Variants in CCSER1 observed in about 807,000 individuals in gnomAD.
CCSER1 encodes the protein coiled-coil serine rich protein 1.
Under a neutral mutation model 82.0 loss-of-function variants are expected in CCSER1, and 41 were observed. The observed-to-expected ratio is 0.50, with a 90% CI of 0.39 to 0.65. The LOEUF (loss-of-function observed/expected upper bound fraction) is 0.65, where lower values mean the gene tolerates loss of function less well. CCSER1 is among the 30% of genes least tolerant of loss of function. The pLI is 0.00. For synonymous variants in CCSER1, 414 were observed against 383.9 expected (o/e 1.08, Z -0.92); for missense variants, 1,119 against 1,064.2 (o/e 1.05, Z -0.72).
At chr4:90,765,279 T>A (rs192995832) in intron 7 of CCSER1, among the ~76,000 whole-genome samples, 1 of 152,278 alleles carries the variant, frequency 6.6e-6, no homozygotes, top group African/African-American at 2.4e-5. Flanking sequence ...TTTGATCTCC[T>A]TAAAGGATTC....
At chr4:90,599,856 C>G (rs533949265) in intron 5 of CCSER1, among the ~76,000 whole-genome samples, 1 of 152,176 alleles carries the variant, frequency 6.6e-6, no homozygotes, top group African/African-American at 2.4e-5. Flanking sequence ...TTCTTGTGCC[C>G]TTTGTAAATC....
At chr4:91,013,910 C>A (rs1319217799) in intron 9 of CCSER1, among the ~76,000 whole-genome samples, 2 of 131,238 alleles carry the variant, frequency 1.5e-5, no homozygotes, top group Non-Finnish European at 3.5e-5. Flanking sequence ...TGTGAGCCAC[C>A]GCTCCGGGCA....
At chr4:90,770,263 C>T (rs1394907479) in intron 7 of CCSER1, among the ~76,000 whole-genome samples, 1 of 152,174 alleles carries the variant, frequency 6.6e-6, no homozygotes, top group Non-Finnish European at 1.5e-5. Flanking sequence ...AAATTCCTGA[C>T]TCACAGAAAC....
intron 6 of CCSER1, among the ~76,000 whole-genome samples, chr4:90,640,545 G>A (rs1160237332): frequency 6.6e-6 from 1 of 151,976 alleles, no homozygotes; most frequent in Non-Finnish European, 1.5e-5. Flanking sequence ...GTGATCACAG[G>A]ATACAGTTAT....
intron 7 of CCSER1, among the ~76,000 whole-genome samples, chr4:90,813,760 A>T (rs1758642419): frequency 6.6e-6 from 1 of 152,136 alleles, no homozygotes; most frequent in Non-Finnish European, 1.5e-5. Context: ...CCATTCTCAG[A>T]TACGTCTTTA....
intron 10 of CCSER1, among the ~76,000 whole-genome samples, chr4:91,253,057 A>G (rs1445804832): frequency 6.6e-6 from 1 of 151,918 alleles, no homozygotes; most frequent in Non-Finnish European, 1.5e-5. Context: ...TGACCCTTGA[A>G]CAGCATGGGC....
At chr4:90,716,557 T>C (rs945535322) in intron 6 of CCSER1, among the ~76,000 whole-genome samples, 1 of 152,114 alleles carries the variant, frequency 6.6e-6, no homozygotes, top group Non-Finnish European at 1.5e-5. Context: ...CATACAGTTA[T>C]GTGCTGTATA....
intron 7 of CCSER1, among the ~76,000 whole-genome samples, chr4:90,785,138 G>A (rs1289036152): frequency 1.3e-5 from 2 of 152,092 alleles, no homozygotes; most frequent in African/African-American, 4.8e-5. Context: ...CAGGGCTCAA[G>A]GGATCCTCCC....
chr4:91,097,601 CT>C (rs1724635015), intron 10 of CCSER1, among the ~76,000 whole-genome samples: 1 of 152,118 alleles, frequency 6.6e-6, no homozygotes, highest in Non-Finnish European at 1.5e-5. Context: ...AGAATTAACA[CT>C]TTAGATAATT....
At chr4:90,847,568 T>C (rs1176134392) in intron 8 of CCSER1, among the ~76,000 whole-genome samples, 2 of 152,210 alleles carry the variant, frequency 1.3e-5, no homozygotes, top group Non-Finnish European at 2.9e-5. Context: ...ATCATCTATC[T>C]AATAACAGAT....
At position 91,039,684 on chromosome 4, in the gene CCSER1, G is replaced by A. The variant is rs940806289; in HGVS notation, c.2173-46266G>A. On this transcript the variant is annotated intron_variant, in intron 9 of 10. Transcript: ENST00000509176. ...ATATATTTATAATGAGTATATGTATGTATAGATCTAAAATGTGTATATATA... is the reference window on the plus strand; with the variant it reads ...ATATATTTATAATGAGTATATGTATATATAGATCTAAAATGTGTATATATA... Among the ~76,000 whole-genome samples the A allele has an allele frequency of 3.4e-5, 5 of 146,284 alleles. No homozygotes were observed. In the Admixed American group the frequency reaches 3.5e-4, roughly 10 times the overall value.
chr4:90,982,539 T>C (rs1241588061), intron 9 of CCSER1, among the ~76,000 whole-genome samples: 1 of 151,764 alleles, frequency 6.6e-6, no homozygotes, highest in African/African-American at 2.4e-5. Flanking sequence ...AAAGATATTA[T>C]ATAGAATGCT....
intron 1 of CCSER1, among the ~76,000 whole-genome samples, chr4:90,225,209 T>A (rs139516373): frequency 1.1e-4 from 16 of 149,626 alleles, no homozygotes; most frequent in Non-Finnish European, 1.5e-4. Flanking sequence ...GGACCACCGG[T>A]GCACACCAGC....
At chr4:90,673,552 A>G (rs1402877352) in intron 6 of CCSER1, among the ~76,000 whole-genome samples, 1 of 152,030 alleles carries the variant, frequency 6.6e-6, no homozygotes, top group African/African-American at 2.4e-5. Flanking sequence ...AATGAAGGGC[A>G]GAAAATACTG....
chr4:90,650,686 A>ATATT (rs1728593232), intron 6 of CCSER1, among the ~76,000 whole-genome samples: 1 of 152,146 alleles, frequency 6.6e-6, no homozygotes. Context: ...AAATACCTAC[A>ATATT]TATTTTTTAC....
intron 3 of CCSER1, among the ~76,000 whole-genome samples, chr4:90,366,962 A>C (rs551368278): frequency 6.6e-6 from 1 of 152,046 alleles, no homozygotes; most frequent in African/African-American, 2.4e-5. Flanking sequence ...ACCTGTTTGC[A>C]TACAATACCA....
chr4:90,672,275 A>G (rs2036114530), intron 6 of CCSER1, among the ~76,000 whole-genome samples: 1 of 152,014 alleles, frequency 6.6e-6, no homozygotes, highest in South Asian at 2.1e-4. Flanking sequence ...TTTATCAATT[A>G]TCTTAGCTAG....
intron 8 of CCSER1, among the ~76,000 whole-genome samples, chr4:90,908,521 T>C (rs1252899911): frequency 6.6e-6 from 1 of 152,106 alleles, no homozygotes; most frequent in African/African-American, 2.4e-5. Context: ...AAGAAGCAAA[T>C]GGTAGTCATG....
intron 10 of CCSER1, among the ~76,000 whole-genome samples, chr4:91,199,757 A>C (rs1735750998): frequency 6.6e-6 from 1 of 152,044 alleles, no homozygotes; most frequent in Non-Finnish European, 1.5e-5. Context: ...CTTTACTTAA[A>C]ATGTTTATTG....
Sources: gnomAD v4.1 joint callset for allele counts (sites outside exome capture counted in the v4.1 genomes callset) on GRCh38, gnomAD v4.1.1 for gene constraint, MANE v1.5 for transcripts, NCBI Gene and HGNC (gene_info 2026-07-23, HGNC 2026-07-21) for gene names.